MGAT4C: variants seen among roughly 807,000 people sequenced by gnomAD.
MGAT4C encodes the protein alpha-1,3-mannosyl-glycoprotein 4-beta-N-acetylglucosaminyltransferase C.
MGAT4C carries 19 observed loss-of-function variants against 40.1 expected under a neutral mutation model. The ratio of observed to expected loss-of-function variants is 0.47; its 90% CI spans 0.33 to 0.70. The LOEUF (loss-of-function observed/expected upper bound fraction) is 0.70. MGAT4C is among the 30% of genes least tolerant of loss of function. The pLI is 0.02. For synonymous variants in MGAT4C, 181 were observed against 187.1 expected (o/e 0.97, Z 0.27); for missense variants, 491 against 563.2 (o/e 0.87, Z 1.30).
chr12:86,441,331 T>TATTATTA (rs1565764758), intron 2 of MGAT4C, among the ~76,000 whole-genome samples: 524 of 150,942 alleles, frequency 3.5e-3, no homozygotes, highest in African/African-American at 0.012. Context: ...ACTGATTTTT[T>TATTATTA]TTATTATTAT....
chr12:86,694,277 TA>T (rs1950218994), intron 2 of MGAT4C, among the ~76,000 whole-genome samples: 3 of 152,174 alleles, frequency 2.0e-5, no homozygotes, highest in South Asian at 4.1e-4. Flanking sequence ...GTACTTTCTG[TA>T]AATGGCTTTT....
At chr12:86,739,563 C>T (rs1011725924) in intron 1 of MGAT4C, among the ~76,000 whole-genome samples, 27 of 150,814 alleles carry the variant, frequency 1.8e-4, no homozygotes, top group African/African-American at 6.5e-4. Context: ...TTGTACTGAA[C>T]ATGCACAGAC....
chr12:86,535,666 T>C (rs916918536), intron 2 of MGAT4C, among the ~76,000 whole-genome samples: 1 of 152,070 alleles, frequency 6.6e-6, no homozygotes, highest in Admixed American at 6.6e-5. Context: ...TAAAAAGAAC[T>C]TGTACAAATC....
intron 3 of MGAT4C, among the ~76,000 whole-genome samples, chr12:86,407,646 T>C (rs1592804101): frequency 6.6e-6 from 1 of 152,086 alleles, no homozygotes; most frequent in Non-Finnish European, 1.5e-5. Context: ...TGCTGTGTGA[T>C]TCAACAATCC....
intron 1 of MGAT4C, among the ~76,000 whole-genome samples, chr12:86,130,578 A>T (rs114349218): frequency 1.4e-3 from 206 of 152,194 alleles, no homozygotes; most frequent in African/African-American, 4.7e-3. Flanking sequence ...CTTTATTGAG[A>T]AAGCTGATAC....
At chr12:85,984,237 T>C (rs1362589203) in intron 3 of MGAT4C, among the ~76,000 whole-genome samples, 1 of 152,222 alleles carries the variant, frequency 6.6e-6, no homozygotes, top group African/African-American at 2.4e-5. Flanking sequence ...ACTATCTAGC[T>C]GTTGAGAAGG....
chr12:86,313,026 C>A (rs1366442986), intron 4 of MGAT4C, among the ~76,000 whole-genome samples: 1 of 152,044 alleles, frequency 6.6e-6, no homozygotes, highest in East Asian at 1.9e-4. Flanking sequence ...AAATGGAGCT[C>A]TATATTAGCC....
intron 2 of MGAT4C, among the ~76,000 whole-genome samples, chr12:86,683,619 T>TA (rs1450512288): frequency 6.6e-6 from 1 of 152,142 alleles, no homozygotes; most frequent in African/African-American, 2.4e-5. Context: ...ACCACTATGC[T>TA]AATTTGTCTT....
At chr12:86,074,479 C>A (rs978241118) in intron 1 of MGAT4C, among the ~76,000 whole-genome samples, 5 of 152,006 alleles carry the variant, frequency 3.3e-5, no homozygotes, top group African/African-American at 1.2e-4. Flanking sequence ...GTAGAATAAT[C>A]CATATTTTTA....
intron 2 of MGAT4C, among the ~76,000 whole-genome samples, chr12:86,466,432 A>C (rs1381006708): frequency 2.0e-5 from 3 of 152,206 alleles, no homozygotes; most frequent in African/African-American, 7.2e-5. Flanking sequence ...GTGAGAGTGA[A>C]TCTGAAAAGG....
intron 4 of MGAT4C, among the ~76,000 whole-genome samples, chr12:86,315,575 G>A (rs1335062345): frequency 6.6e-6 from 1 of 152,008 alleles, no homozygotes; most frequent in African/African-American, 2.4e-5. Context: ...GCGTGGTGGC[G>A]GGCGCCTGTA....
At chr12:86,119,388 G>A (rs1454495087) in intron 1 of MGAT4C, among the ~76,000 whole-genome samples, 1 of 151,936 alleles carries the variant, frequency 6.6e-6, no homozygotes, top group Non-Finnish European at 1.5e-5. Context: ...TCTGAGAGGA[G>A]TGACAAACTC....
At chr12:86,112,537 T>C (rs1405264046) in intron 1 of MGAT4C, among the ~76,000 whole-genome samples, 1 of 151,734 alleles carries the variant, frequency 6.6e-6, no homozygotes, top group African/African-American at 2.4e-5. Context: ...ATGCCTCTTA[T>C]TGTGCTCACC....
chr12:86,067,019 C>T (rs6539945), intron 1 of MGAT4C, among the ~76,000 whole-genome samples: 122,309 of 152,166 alleles, frequency 0.8, 49,836 homozygotes, highest in East Asian at 0.97. Flanking sequence ...TACCATCTCA[C>T]GCCAGTTAGA....
intron 2 of MGAT4C, among the ~76,000 whole-genome samples, chr12:86,480,263 T>C (rs1040092262): frequency 1.3e-5 from 2 of 151,750 alleles, no homozygotes; most frequent in Non-Finnish European, 3.0e-5. Flanking sequence ...TTTGCTGCTT[T>C]TGGAAACAAA....
chr12:86,154,134 TTAC>T (rs1884633541), intron 1 of MGAT4C, among the ~76,000 whole-genome samples: 1 of 152,170 alleles, frequency 6.6e-6, no homozygotes, highest in East Asian at 1.9e-4. Context: ...CCAAAGTTCA[TTAC>T]CATGAATTGT....
At chr12:86,185,838 A>C (rs571771345) in intron 1 of MGAT4C, among the ~76,000 whole-genome samples, 1 of 152,124 alleles carries the variant, frequency 6.6e-6, no homozygotes. Context: ...ATCAGCAAAC[A>C]CATTTCTTAG....
intron 2 of MGAT4C, among the ~76,000 whole-genome samples, chr12:86,587,700 C>A (rs1356011390): frequency 4.6e-5 from 7 of 151,812 alleles, no homozygotes; most frequent in Non-Finnish European, 1.0e-4. Context: ...ATTTTATTCT[C>A]TTTGAAGCAA....
intron 2 of MGAT4C, among the ~76,000 whole-genome samples, chr12:85,989,796 A>T (rs557153974): frequency 4.6e-5 from 7 of 152,230 alleles, no homozygotes; most frequent in African/African-American, 1.7e-4. Context: ...ATAGTTACTG[A>T]CGAAAAAAGA....
Sources: allele counts gnomAD v4.1 joint callset (sites outside exome capture counted in the v4.1 genomes callset), GRCh38; gene constraint gnomAD v4.1.1; transcripts MANE v1.5; gene names NCBI Gene and HGNC (gene_info 2026-07-23, HGNC 2026-07-21).